DGKD: variants seen among roughly 807,000 people sequenced by gnomAD.
DGKD encodes the protein DAG kinase delta.
Under a neutral mutation model 154.4 loss-of-function variants are expected in DGKD, and 68 were observed. The observed-to-expected ratio is 0.44, with a 90% CI of 0.36 to 0.54. The LOEUF is 0.54. Among genes scored for constraint, DGKD ranks in the 20% least tolerant of loss-of-function variants. The pLI is 0.00. For synonymous variants in DGKD, 693 were observed against 638.0 expected (o/e 1.09, Z -1.30); for missense variants, 1,343 against 1,593.6 (o/e 0.84, Z 2.68).
intron 3 of DGKD, among the ~76,000 whole-genome samples, chr2:233,432,534 C>T (rs537499677): frequency 1.3e-5 from 2 of 152,170 alleles, no homozygotes; most frequent in Non-Finnish European, 2.9e-5. Flanking sequence ...TGGCGGGCGC[C>T]TGTAGTCCCA....
At chr2:233,451,189 G>T (rs148411348) in intron 17 of DGKD, 139 bp downstream of exon 17, 2 of 906,768 alleles carry the variant, frequency 2.2e-6, no homozygotes, top group Non-Finnish European at 3.1e-6. Context: ...AAATTTACAC[G>T]ACTGTATGAA....
In DGKD at chr2:233,462,101, C is replaced by T. The variant is rs964156255; in HGVS notation, c.2982-247C>T. ...TGTAAGCCTCATTTTGTACATTTCT[C>T]TCCCTGGAAAATCTTGGATTTTGAC... On this transcript the variant is annotated intron_variant, in intron 24 of 29. Coordinates refer to ENST00000264057, the MANE Select transcript of DGKD (RefSeq NM_152879.3). 9.2e-5 allele frequency among the ~76,000 whole-genome samples: 14 copies of T among 152,370 alleles called. No individual in the cohort carries two copies. In the East Asian group the frequency reaches 2.7e-3, roughly 29 times the overall value.
chr2:233,379,349 G>T (rs185326841), intron 1 of DGKD, among the ~76,000 whole-genome samples: 5 of 152,152 alleles, frequency 3.3e-5, no homozygotes, highest in African/African-American at 1.2e-4. Context: ...AAAAGGAGTT[G>T]GTTGTGTTTG....
chr2:233,467,042 T>C lies in DGKD; in HGVS notation c.3307-44T>C, dbSNP rs113255060. ...GGTGGAGATGGGCATGAGGCCGTGA[T>C]CAGTTGCAGCCTGATTCTCAGTATT... On this transcript the variant is annotated intron_variant, in intron 27 of 29. Coordinates refer to ENST00000264057, the MANE Select transcript of DGKD (RefSeq NM_152879.3). 8.8e-4 allele frequency: 1,302 copies of C among 1,486,142 alleles called. 17 individuals carry two copies. The African/African-American group carries it at 0.015, about 18-fold the overall frequency. 92.1% of individuals were successfully genotyped at this position (1,486,142 alleles called of 1,614,324 possible). A position where few individuals can be genotyped will look rare whatever the true frequency, so the allele number is the denominator to read the frequency against.
In DGKD at chr2:233,408,698, C is replaced by T. The variant is rs142490352; in HGVS notation, c.348+18215C>T. On this transcript the variant is annotated intron_variant, in intron 3 of 29. Transcript: ENST00000264057. ...CCTAGCACAGCAATGGTGGGGCAGTCGAGCACCGGGCAGAGTAGGTGCTCA... is the reference window on the plus strand; with the variant it reads ...CCTAGCACAGCAATGGTGGGGCAGTTGAGCACCGGGCAGAGTAGGTGCTCA... 2.4e-3 allele frequency among the ~76,000 whole-genome samples: 372 copies of T among 152,294 alleles called. 2 individuals carry two copies. Among genetic ancestry groups the T allele is most frequent in the Non-Finnish European group, 4.1e-3 (277 of 68,020 alleles).
At chr2:233,451,481 C>T (rs767690107) in intron 17 of DGKD, among the ~76,000 whole-genome samples, 8 of 152,018 alleles carry the variant, frequency 5.3e-5, no homozygotes, top group Non-Finnish European at 7.3e-5. Context: ...AGGAAGGCAG[C>T]CTTATAAAGC....
chr2:233,391,160 A>T (rs1703581542), intron 3 of DGKD, among the ~76,000 whole-genome samples: 1 of 152,200 alleles, frequency 6.6e-6, no homozygotes, highest in African/African-American at 2.4e-5. Context: ...AAAAACATTG[A>T]ATGTTAATAT....
chr2:233,382,764 A>G (rs528672328), intron 1 of DGKD, among the ~76,000 whole-genome samples: 1 of 152,120 alleles, frequency 6.6e-6, no homozygotes, highest in South Asian at 2.1e-4. Flanking sequence ...TTGATTAACT[A>G]TATTTTTCCC....
chr2:233,388,069 T>C, intron 1 of DGKD, 188 bp from the exon 2 acceptor site: 1 of 1,328,668 alleles, frequency 7.5e-7, no homozygotes, highest in Non-Finnish European at 1.0e-6. Flanking sequence ...AGGACAGGAT[T>C]GGTGCAACCC....
intron 3 of DGKD, among the ~76,000 whole-genome samples, chr2:233,425,152 TA>T (rs2062251123): frequency 6.6e-6 from 1 of 152,220 alleles, no homozygotes; most frequent in South Asian, 2.1e-4. Flanking sequence ...CTTTTTTTTT[TA>T]ATCCTTAACA....
intron 29 of DGKD, among the ~76,000 whole-genome samples, chr2:233,468,873 A>G (rs1000479859): frequency 1.9e-4 from 29 of 152,348 alleles, no homozygotes; most frequent in Non-Finnish European, 3.7e-4. Flanking sequence ...GACTGTCCCC[A>G]TGCTGCTCCT....
intron 3 of DGKD, among the ~76,000 whole-genome samples, chr2:233,428,874 T>TTTG (rs113271309): frequency 0.19 from 28,795 of 151,660 alleles, 2,771 homozygotes; most frequent in Non-Finnish European, 0.2. Flanking sequence ...GAGGTTTTTT[T>TTTG]TTGTTGTTGT....
intron 1 of DGKD, among the ~76,000 whole-genome samples, chr2:233,368,118 G>T (rs1574984061): frequency 1.3e-5 from 2 of 152,156 alleles, no homozygotes; most frequent in Non-Finnish European, 2.9e-5. Context: ...GGACTTGCCT[G>T]AAGCAATTTT....
chr2:233,435,671 T>G, intron 5 of DGKD, 147 bp from the exon 6 acceptor site: 1 of 612,676 alleles, frequency 1.6e-6, no homozygotes, highest in South Asian at 2.7e-5. Context: ...CCTCTAAGCG[T>G]ATCACAGTAG....
intron 3 of DGKD, among the ~76,000 whole-genome samples, chr2:233,393,702 T>C (rs920700769): frequency 1.4e-5 from 2 of 143,090 alleles, no homozygotes; most frequent in Admixed American, 1.4e-4. Context: ...TTTTTTTTTT[T>C]AGATGGAGTC....
In DGKD at chr2:233,459,885, A is replaced by G. The variant is rs1377694918; in HGVS notation, c.2823A>G (p.Arg941=). Residue 941 remains arginine, a synonymous_variant, in exon 23 of 30, where the codon AGA becomes AGG. Transcript: ENST00000264057. This position sits in a 1 kb window ranked among gnomAD's most constrained non-coding sequence, Gnocchi z 5.7. ...VHKNRAQTLT[R]DRAFESTLKS... The stretch of plus-strand genomic sequence containing the variant: ...AGAACCGGGCACAGACACTGACCAG[A>G]GACAGGGTAAGAGCGGCTGCCCGCG... The G allele has an allele frequency of 6.2e-7, 1 of 1,613,710 alleles. No individual in the cohort carries two copies. The highest frequency in any genetic ancestry group is 8.5e-7 in the Non-Finnish European group (1 of 1,179,778).
intron 1 of DGKD, among the ~76,000 whole-genome samples, chr2:233,369,455 CT>C (rs796955350): frequency 5.3e-5 from 8 of 152,284 alleles, no homozygotes; most frequent in African/African-American, 1.7e-4. Flanking sequence ...TTAATTTTAA[CT>C]TTTTAAATAA....
At chr2:233,381,179 T>A (rs2125419360) in intron 1 of DGKD, among the ~76,000 whole-genome samples, 1 of 152,332 alleles carries the variant, frequency 6.6e-6, no homozygotes, top group East Asian at 1.9e-4. Context: ...TGGCCGTTGG[T>A]GTCATGAAGA....
Position 233,449,466 on chromosome 2 carries a change from C to T in DGKD, c.1888+90C>T, listed in dbSNP as rs2063196944. ...TGAACACGGAGATGACAGAAGGGTGCATGTTGAGAAAACCTCCACTGCGGC... is the reference window on the plus strand; with the variant it reads ...TGAACACGGAGATGACAGAAGGGTGTATGTTGAGAAAACCTCCACTGCGGC... On this transcript the variant is annotated intron_variant, in intron 15 of 29. Transcript: ENST00000264057. The surrounding 1 kb of genome is among the most constrained non-coding windows in gnomAD (Gnocchi z 5.3). 6.8e-7 allele frequency: 1 copy of T among 1,472,768 alleles called. No homozygotes were observed. The highest frequency in any genetic ancestry group is 1.4e-5 in the African/African-American group (1 of 71,136). The allele number at this position is 1,472,768 out of a possible 1,614,324, so 91.2% of individuals were successfully genotyped here.
Sources: gnomAD v4.1 joint callset for allele counts (sites outside exome capture counted in the v4.1 genomes callset) on GRCh38, gnomAD v4.1.1 for gene constraint, Gnocchi (gnomAD v3.1) non-coding constraint, MANE v1.5 for transcripts, NCBI Gene and HGNC (gene_info 2026-07-23, HGNC 2026-07-21) for gene names.